The following NUBPL variants were observed in gnomAD, a reference collection of about 807,000 sequenced individuals.
NUBPL encodes NUBP iron-sulfur cluster assembly factor, mitochondrial, also known as iron-sulfur cluster transfer protein NUBPL.
A neutral mutation model predicts 45.7 loss-of-function variants in NUBPL; 31 were observed. The observed-to-expected ratio is 0.68, with a 90% CI of 0.51 to 0.92. The LOEUF (loss-of-function observed/expected upper bound fraction) is 0.92, where lower values mean the gene tolerates loss of function less well. NUBPL is among the 40% of genes least tolerant of loss of function. The pLI, the probability that NUBPL is intolerant of heterozygous loss-of-function variation, is 0.00. For missense variants in NUBPL, 401 were observed against 398.7 expected (o/e 1.01, Z -0.05); for synonymous variants, 144 against 140.9 (o/e 1.02, Z -0.15).
intron 7 of NUBPL, among the ~76,000 whole-genome samples, chr14:31,808,988 G>A (rs1241539767): frequency 2.0e-5 from 3 of 152,174 alleles, no homozygotes; most frequent in African/African-American, 7.2e-5. Flanking sequence ...TGGTGGATAA[G>A]CTTTTTGATG....
chr14:31,760,721 C>T (rs1347821011), intron 6 of NUBPL, among the ~76,000 whole-genome samples: 1 of 151,780 alleles, frequency 6.6e-6, no homozygotes, highest in Non-Finnish European at 1.5e-5. Flanking sequence ...CATTGATACA[C>T]ACTTAGGCTG....
intron 4 of NUBPL, among the ~76,000 whole-genome samples, chr14:31,627,574 C>T (rs922004574): frequency 4.0e-5 from 6 of 151,678 alleles, no homozygotes; most frequent in African/African-American, 4.8e-5. Flanking sequence ...GTCAGGAGAT[C>T]GAGACCACAG....
chr14:31,737,564 C>T (rs2038190093), intron 6 of NUBPL, among the ~76,000 whole-genome samples: 1 of 152,152 alleles, frequency 6.6e-6, no homozygotes, highest in South Asian at 2.1e-4. Context: ...GGGCAGATCA[C>T]CTGAGGTTAG....
At chr14:31,618,032 TTTC>T (rs1050312854) in intron 4 of NUBPL, among the ~76,000 whole-genome samples, 1 of 152,236 alleles carries the variant, frequency 6.6e-6, no homozygotes, top group African/African-American at 2.4e-5. Context: ...AATTTATCCA[TTTC>T]TTCTAGATTT....
intron 6 of NUBPL, among the ~76,000 whole-genome samples, chr14:31,689,683 A>G (rs1029978300): frequency 3.9e-5 from 6 of 152,012 alleles, no homozygotes; most frequent in Non-Finnish European, 7.4e-5. Context: ...CCGCCTGTCA[A>G]TTTTTGCTTT....
intron 4 of NUBPL, among the ~76,000 whole-genome samples, chr14:31,651,967 A>G (rs890024787): frequency 1.3e-5 from 2 of 152,132 alleles, no homozygotes; most frequent in African/African-American, 4.8e-5. Flanking sequence ...AAAAGAAGAC[A>G]TGCAAATGAC....
chr14:31,772,102 G>T (rs143105410), intron 6 of NUBPL, among the ~76,000 whole-genome samples: 1 of 152,146 alleles, frequency 6.6e-6, no homozygotes, highest in African/African-American at 2.4e-5. Context: ...TTTTTCTAAA[G>T]ATTTTCTTAA....
At chr14:31,737,645 A>T (rs755974653) in intron 6 of NUBPL, among the ~76,000 whole-genome samples, 2 of 152,132 alleles carry the variant, frequency 1.3e-5, no homozygotes, top group Non-Finnish European at 2.9e-5. Context: ...TTAGCCGGGC[A>T]TGGTGGCAGG....
chr14:31,589,172 C>T lies in NUBPL; in HGVS notation c.292-10117C>T, dbSNP rs1326701087. ...AAATTAATTCCATATATATTATTTA[C>T]CTGGGCTTAGATGCTAACATTTTTA... On this transcript the variant is annotated intron_variant, in intron 3 of 10. Coordinates refer to ENST00000281081, the MANE Select transcript of NUBPL (RefSeq NM_025152.3). 3.3e-5 allele frequency among the ~76,000 whole-genome samples: 5 copies of T among 151,680 alleles called. 1 individual carries two copies. Among genetic ancestry groups the T allele is most frequent in the African/African-American group, 7.3e-5 (3 of 41,268 alleles).
chr14:31,648,872 T>C (rs1451641447), intron 4 of NUBPL, among the ~76,000 whole-genome samples: 1 of 152,184 alleles, frequency 6.6e-6, no homozygotes, highest in Non-Finnish European at 1.5e-5. Context: ...GCAGTGGTGC[T>C]ATCTTGGCTC....
chr14:31,852,509 A>G (rs2040553055), intron 10 of NUBPL, among the ~76,000 whole-genome samples: 1 of 152,066 alleles, frequency 6.6e-6, no homozygotes, highest in African/African-American at 2.4e-5. Context: ...CGTCTCTAGT[A>G]AAAATACAAA....
intron 4 of NUBPL, among the ~76,000 whole-genome samples, chr14:31,612,017 C>A (rs903135044): frequency 4.6e-5 from 7 of 152,182 alleles, no homozygotes; most frequent in Non-Finnish European, 1.0e-4. Context: ...ACAAACATTT[C>A]TTGAGCAATA....
intron 6 of NUBPL, among the ~76,000 whole-genome samples, chr14:31,676,176 A>G (rs964245489): frequency 1.3e-5 from 2 of 152,006 alleles, no homozygotes; most frequent in African/African-American, 4.8e-5. Context: ...GGCATGCGCC[A>G]CCACGCCTGG....
intron 6 of NUBPL, among the ~76,000 whole-genome samples, chr14:31,712,330 C>T (rs1391602964): frequency 6.6e-6 from 1 of 152,250 alleles, no homozygotes; most frequent in Non-Finnish European, 1.5e-5. Context: ...CAATGGTACT[C>T]GCCGCAGGAC....
At chr14:31,852,847 T>A (rs2040558850) in intron 10 of NUBPL, among the ~76,000 whole-genome samples, 1 of 151,924 alleles carries the variant, frequency 6.6e-6, no homozygotes, top group African/African-American at 2.4e-5. Context: ...TCCTTCCCTT[T>A]CCCCCGTGAA....
At chr14:31,679,590 G>C (rs1289142893) in intron 6 of NUBPL, among the ~76,000 whole-genome samples, 1 of 152,002 alleles carries the variant, frequency 6.6e-6, no homozygotes, top group Non-Finnish European at 1.5e-5. Flanking sequence ...ATCTATTCTG[G>C]ATATGCAGTT....
intron 4 of NUBPL, among the ~76,000 whole-genome samples, chr14:31,601,236 G>C (rs1008481546): frequency 2.6e-5 from 4 of 152,168 alleles, no homozygotes; most frequent in African/African-American, 9.7e-5. Context: ...TGGTGATGCA[G>C]GCTCTTTTTT....
intron 4 of NUBPL, among the ~76,000 whole-genome samples, chr14:31,653,577 G>A (rs1199961624): frequency 6.6e-6 from 1 of 152,132 alleles, no homozygotes; most frequent in Non-Finnish European, 1.5e-5. Context: ...GTCTTTCCTT[G>A]TTCCCTGAAA....
At chr14:31,693,819 A>AAC (rs1555328905) in intron 6 of NUBPL, among the ~76,000 whole-genome samples, 168 of 145,636 alleles carry the variant, frequency 1.2e-3, no homozygotes, top group African/African-American at 1.8e-3. Flanking sequence ...AAAAAAAAAA[A>AAC]AAAACCTTTA....
Sources: allele counts gnomAD v4.1 joint callset (sites outside exome capture counted in the v4.1 genomes callset), GRCh38; gene constraint gnomAD v4.1.1; transcripts MANE v1.5; gene names NCBI Gene and HGNC (gene_info 2026-07-23, HGNC 2026-07-21).